The following NPAS3 variants were observed in gnomAD, a reference collection of about 807,000 sequenced individuals.
The protein encoded by NPAS3 is neuronal PAS domain-containing protein 3.
A neutral mutation model predicts 73.1 loss-of-function variants in NPAS3; 14 were observed. That is an observed-to-expected ratio of 0.19 (90% confidence interval 0.13 to 0.30). The LOEUF is 0.30. Among genes scored for constraint, NPAS3 ranks in the 10% least tolerant of loss-of-function variants. NPAS3 has a pLI of 1.00. For missense variants in NPAS3, 1,096 were observed against 1,250.0 expected, an observed-to-expected ratio of 0.88 and a Z score of 1.86; for synonymous variants, 620 against 541.5, an observed-to-expected ratio of 1.14 and a Z score of -2.01.
At chr14:33,370,738 C>T (rs1374368733) in intron 4 of NPAS3, among the ~76,000 whole-genome samples, 2 of 152,050 alleles carry the variant, frequency 1.3e-5, no homozygotes, top group African/African-American at 4.8e-5. Context: ...AATGAAGAGG[C>T]AGCTATGGAA....
chr14:33,194,583 A>C (rs1218137779), intron 2 of NPAS3, among the ~76,000 whole-genome samples: 2 of 152,186 alleles, frequency 1.3e-5, no homozygotes, highest in Admixed American at 6.5e-5. Context: ...CTTAGTATTT[A>C]TAGTAATTAC....
chr14:33,419,893 G>A (rs574330907), intron 4 of NPAS3, among the ~76,000 whole-genome samples: 3 of 152,054 alleles, frequency 2.0e-5, no homozygotes, highest in East Asian at 1.9e-4. Context: ...AGTGGAGCCC[G>A]TTCAGAGTGA....
intron 6 of NPAS3, among the ~76,000 whole-genome samples, chr14:33,699,744 A>T (rs111575791): frequency 6.6e-6 from 1 of 151,590 alleles, no homozygotes; most frequent in African/African-American, 2.4e-5. Context: ...AGTCAAAGAC[A>T]TTTTTTTTTA....
At chr14:33,507,937 T>C (rs572280735) in intron 4 of NPAS3, among the ~76,000 whole-genome samples, 1 of 151,964 alleles carries the variant, frequency 6.6e-6, no homozygotes, top group South Asian at 2.1e-4. Flanking sequence ...TCTGTCATTT[T>C]TTTAAGACTA....
At chr14:33,561,111 T>C (rs1222712714) in intron 5 of NPAS3, among the ~76,000 whole-genome samples, 2 of 152,104 alleles carry the variant, frequency 1.3e-5, no homozygotes, top group Non-Finnish European at 2.9e-5. Context: ...ATCTGCCAAG[T>C]TGGATAATCT....
intron 3 of NPAS3, among the ~76,000 whole-genome samples, chr14:33,340,893 G>A (rs2044446349): frequency 6.6e-6 from 1 of 152,128 alleles, no homozygotes; most frequent in South Asian, 2.1e-4. Context: ...AAATTATTGT[G>A]TCTTTTAGTG....
intron 5 of NPAS3, among the ~76,000 whole-genome samples, chr14:33,647,290 C>CTATA (rs774453212): frequency 2.1e-4 from 31 of 147,500 alleles, no homozygotes; most frequent in African/African-American, 6.4e-4. Context: ...CTCTCTCTCT[C>CTATA]TATATATATA....
chr14:33,504,352 A>G (rs1056175005), intron 4 of NPAS3, among the ~76,000 whole-genome samples: 5 of 151,992 alleles, frequency 3.3e-5, no homozygotes, highest in African/African-American at 1.2e-4. Context: ...CTTCACAAAT[A>G]CCATAGAATA....
chr14:33,240,123 CATGGAAGG>C (rs2048168154), intron 3 of NPAS3, among the ~76,000 whole-genome samples: 1 of 151,806 alleles, frequency 6.6e-6, no homozygotes, highest in Non-Finnish European at 1.5e-5. Flanking sequence ...TTTTACCTTG[CATGGAAGG>C]ATGCATGTAA....
At chr14:33,319,023 A>C (rs978503318) in intron 3 of NPAS3, among the ~76,000 whole-genome samples, 2 of 152,076 alleles carry the variant, frequency 1.3e-5, no homozygotes, top group Admixed American at 6.6e-5. Context: ...TTGGCCGGAG[A>C]GTTTTCCTGT....
At chr14:33,082,753 C>A (rs2041899320) in intron 2 of NPAS3, among the ~76,000 whole-genome samples, 1 of 152,182 alleles carries the variant, frequency 6.6e-6, no homozygotes, top group Non-Finnish European at 1.5e-5. Flanking sequence ...AACTTATTTT[C>A]TCATTGGTAA....
intron 1 of NPAS3, among the ~76,000 whole-genome samples, chr14:32,976,620 CT>C (rs2037689846): frequency 6.6e-6 from 1 of 152,208 alleles, no homozygotes; most frequent in Non-Finnish European, 1.5e-5. Flanking sequence ...TTCCAGCTGT[CT>C]GCAAGAGTTT....
chr14:33,497,344 A>T (rs2052252850), intron 4 of NPAS3, among the ~76,000 whole-genome samples: 2 of 152,260 alleles, frequency 1.3e-5, no homozygotes, highest in African/African-American at 2.4e-5. Flanking sequence ...ACTAGAAAAA[A>T]CTACTTTAAA....
At position 33,052,567 on chromosome 14, in the gene NPAS3, C is replaced by T. The variant is rs749654072; in HGVS notation, c.51-3338C>T. On this transcript the variant is annotated intron_variant, in intron 1 of 11. Coordinates refer to ENST00000356141, the Ensembl canonical transcript of NPAS3. ...ACTAGAAAATAAAACCCTTTAAAAACGTTGCAAAATATGATGTGTTGGGTT... is the reference window on the plus strand; with the variant it reads ...ACTAGAAAATAAAACCCTTTAAAAATGTTGCAAAATATGATGTGTTGGGTT... 7.9e-5 allele frequency among the ~76,000 whole-genome samples: 12 copies of T among 152,158 alleles called. No homozygotes were observed. The East Asian group carries it at 1.3e-3, about 17-fold the overall frequency.
upstream of NPAS3, among the ~76,000 whole-genome samples, chr14:32,938,898 G>A (rs1266027784): frequency 7.0e-6 from 1 of 143,406 alleles, no homozygotes; most frequent in South Asian, 2.2e-4. Context: ...CTGTCTCCGC[G>A]CCGGGCATGC....
rs1201335816 is a variant in NPAS3 at position 33,287,330 on chromosome 14, G to T, written c.385+71904G>T. The stretch of plus-strand genomic sequence containing the variant: ...ATTTAGAGCAGCTGCAAACGGCTCT[G>T]GAATTCCCACGGATTAGTCTACAGA... On this transcript the variant is annotated intron_variant, in intron 3 of 11. Coordinates refer to ENST00000356141, the Ensembl canonical transcript of NPAS3. Among the ~76,000 whole-genome samples, 3 of 152,112 alleles carry T rather than the reference G, an allele frequency of 2.0e-5. No individual in the cohort carries two copies. In the East Asian group the frequency reaches 5.8e-4, roughly 29 times the overall value.
At chr14:33,582,540 T>C (rs1271651654) in intron 5 of NPAS3, among the ~76,000 whole-genome samples, 2 of 152,246 alleles carry the variant, frequency 1.3e-5, no homozygotes, top group Non-Finnish European at 2.9e-5. Context: ...AGTTTGGTTT[T>C]ATGTTAATCC....
chr14:33,363,682 A>G (rs1055207676), intron 3 of NPAS3, among the ~76,000 whole-genome samples: 1 of 152,120 alleles, frequency 6.6e-6, no homozygotes, highest in Non-Finnish European at 1.5e-5. Flanking sequence ...TTTTTGGACT[A>G]TTTATTAAGT....
chr14:33,684,907 C>T (rs1481457370), intron 6 of NPAS3, among the ~76,000 whole-genome samples: 3 of 152,172 alleles, frequency 2.0e-5, no homozygotes, highest in Non-Finnish European at 4.4e-5. Context: ...TGGACGTGTC[C>T]CACTGGAGGG....
Sources: gnomAD v4.1 joint callset for allele counts (sites outside exome capture counted in the v4.1 genomes callset) on GRCh38, gnomAD v4.1.1 for gene constraint, MANE v1.5 for transcripts, NCBI Gene and HGNC (gene_info 2026-07-23, HGNC 2026-07-21) for gene names.